Variants in NUP58 observed in about 807,000 individuals in gnomAD.
The protein encoded by NUP58 is nucleoporin 58, also known as nucleoporin p58/p45.
NUP58 carries 17 observed loss-of-function variants against 70.1 expected under a neutral mutation model. The ratio of observed to expected loss-of-function variants is 0.24; its 90% CI spans 0.17 to 0.36. NUP58 has a LOEUF of 0.36. Among genes scored for constraint, NUP58 ranks in the 10% least tolerant of loss-of-function variants. NUP58 has a pLI of 1.00. For synonymous variants in NUP58, 275 were observed against 257.6 expected, an observed-to-expected ratio of 1.07 and a Z score of -0.65; for missense variants, 644 against 701.5, an observed-to-expected ratio of 0.92 and a Z score of 0.93.
intron 1 of NUP58, among the ~76,000 whole-genome samples, chr13:25,305,024 C>G (rs557022329): frequency 6.6e-6 from 1 of 151,920 alleles, no homozygotes; most frequent in Admixed American, 6.5e-5. Flanking sequence ...TTGCTTGTAG[C>G]GCTCACTTAG....
intron 10 of NUP58, among the ~76,000 whole-genome samples, chr13:25,325,297 C>G (rs369002232): frequency 6.6e-6 from 1 of 152,216 alleles, no homozygotes; most frequent in South Asian, 2.1e-4. Flanking sequence ...ACCACTATTA[C>G]GCATTTATAC....
chr13:25,329,335 C>T (rs988126280), intron 12 of NUP58, among the ~76,000 whole-genome samples: 2 of 152,032 alleles, frequency 1.3e-5, no homozygotes, highest in Non-Finnish European at 2.9e-5. Flanking sequence ...TTTCCCCCCA[C>T]GAAGTATTTC....
downstream of NUP58, among the ~76,000 whole-genome samples, chr13:25,343,414 A>G (rs1449865398): frequency 1.3e-5 from 2 of 151,550 alleles, no homozygotes; most frequent in Non-Finnish European, 2.9e-5. Flanking sequence ...GTTTCTTCTC[A>G]GAGTAATAGT....
chr13:25,317,556 A>G (rs999520492), intron 6 of NUP58: 2 of 152,070 alleles, frequency 1.3e-5, no homozygotes, highest in Non-Finnish European at 1.5e-5. Flanking sequence ...GTTTGTGTGT[A>G]TGTAAGTATT....
intron 5 of NUP58, among the ~76,000 whole-genome samples, chr13:25,315,131 T>C (rs1407637648): frequency 6.6e-6 from 1 of 152,108 alleles, no homozygotes; most frequent in East Asian, 1.9e-4. Context: ...GTTCTGGCCC[T>C]CGTAATAATG....
At chr13:25,305,748 TGAA>T (rs1208974066) in intron 1 of NUP58, among the ~76,000 whole-genome samples, 2 of 152,190 alleles carry the variant, frequency 1.3e-5, no homozygotes, top group African/African-American at 4.8e-5. Flanking sequence ...CTAAACTTAC[TGAA>T]GGTGTGTACA....
downstream of NUP58, among the ~76,000 whole-genome samples, chr13:25,345,487 G>T (rs1237150647): frequency 5.0e-5 from 7 of 140,966 alleles, no homozygotes; most frequent in East Asian, 1.5e-3. Context: ...AGCAAGAGCC[G>T]GACTTGTGCA....
intron 15 of NUP58, among the ~76,000 whole-genome samples, chr13:25,339,661 C>T (rs928826073): frequency 1.3e-5 from 2 of 152,124 alleles, no homozygotes; most frequent in African/African-American, 4.8e-5. Flanking sequence ...AGGAGGAAGG[C>T]ACCTTGACAT....
chr13:25,329,368 G>A (rs2031522125), intron 12 of NUP58, among the ~76,000 whole-genome samples: 1 of 151,900 alleles, frequency 6.6e-6, no homozygotes, highest in Non-Finnish European at 1.5e-5. Context: ...AGGTGTAAAC[G>A]TACATTTTTT....
chr13:25,336,899 T>C, intron 13 of NUP58, 37 bp from the exon 14 acceptor site: 2 of 1,425,044 alleles, frequency 1.4e-6, no homozygotes, highest in Non-Finnish European at 9.6e-7. Flanking sequence ...CAAATTTGTT[T>C]TTTTTCCCCC....
chr13:25,304,445 T>C (rs960374081), intron 1 of NUP58, among the ~76,000 whole-genome samples: 19 of 144,692 alleles, frequency 1.3e-4, no homozygotes, highest in South Asian at 1.1e-3. Context: ...CATTATGTAA[T>C]ACTTCATAAT....
intron 1 of NUP58, 31 bp downstream of exon 1, chr13:25,301,911 G>A: frequency 1.4e-6 from 2 of 1,445,878 alleles, no homozygotes; most frequent in East Asian, 2.3e-5. Flanking sequence ...TCCTGGGCCG[G>A]ATTCACCCCC....
chr13:25,322,623 A>G (rs2031234007), intron 9 of NUP58, among the ~76,000 whole-genome samples: 1 of 152,346 alleles, frequency 6.6e-6, no homozygotes, highest in Non-Finnish European at 1.5e-5. Context: ...TATGTGTATA[A>G]GAAACACAAA....
At chr13:25,307,973 CAG>C (rs754980661) in intron 2 of NUP58, 25 bp downstream of exon 2, 220 of 1,611,388 alleles carry the variant, frequency 1.4e-4, no homozygotes, top group Non-Finnish European at 1.8e-4. Context: ...ATCACATTGT[CAG>C]AGAGTAGGCT....
At position 25,313,667 on chromosome 13, in the gene NUP58, A is replaced by G. The variant is rs138242135; in HGVS notation, c.490A>G (p.Thr164Ala). 6 of 1,530,022 alleles carry G rather than the reference A, an allele frequency of 3.9e-6. No homozygotes were observed. The highest frequency in any genetic ancestry group is 1.3e-5 in the South Asian group (1 of 76,058). 94.8% of individuals were successfully genotyped at this position (1,530,022 alleles called of 1,614,324 possible). ...NLGGTTATTT[T>A]ASTGLSLGGA... ...GGGTGGGACAACAGCCACAACTACA[A>G]CTGCATCAACAGGCCTCTCTTTAGG... The change falls in exon 5 of 16, where the codon ACT (threonine) becomes GCT (alanine). Residue 164 changes from threonine (T) to alanine (A), a missense_variant. Thr to Ala is a moderately conservative substitution (Grantham distance 58, BLOSUM62 0). This residue lies in a region of NUP58 where 430 missense variants were observed against 409.2 expected (regional missense o/e 1.05). Coordinates refer to ENST00000381736, the MANE Select transcript of NUP58 (RefSeq NM_014089.4).
rs2031947357 is a variant in NUP58, at chr13:25,341,270, T to A, written c.*1136T>A. 1 of 152,640 alleles carries A rather than the reference T, an allele frequency of 6.6e-6. No homozygotes were observed. The highest frequency in any genetic ancestry group is 1.5e-5 in the Non-Finnish European group (1 of 68,032). 9.5% of individuals were successfully genotyped at this position (152,640 alleles called of 1,614,324 possible). On this transcript the variant is annotated 3_prime_UTR_variant, in exon 16 of 16. Transcript: ENST00000381736. ...ATCCTGTGTGTCCTTACATTGCTTC[T>A]GTGAGATGTTTTTTTCTTATCTGAG...
At position 25,301,692 on chromosome 13, in the gene NUP58, GC is replaced by G; in HGVS notation, c.-79del. ...GTCCGTGCCGGGCGAGAGAGATGCT[GC>G]CCGGCCCGCCTCGGCTTTGAGGCGA... is the stretch of plus-strand genomic sequence containing the variant. On this transcript the variant is annotated 5_prime_UTR_variant, in exon 1 of 16. It removes the in-frame stop codon of an upstream open reading frame in the 5' UTR. Transcript: ENST00000381736. 1 of 716,940 alleles carries G rather than the reference GC, an allele frequency of 1.4e-6. No individual in the cohort carries two copies. The highest frequency in any genetic ancestry group is 2.1e-6 in the Non-Finnish European group (1 of 473,428). 44.4% of individuals were successfully genotyped at this position (716,940 alleles called of 1,614,324 possible). A position where few individuals can be genotyped will look rare whatever the true frequency, so the allele number is the denominator to read the frequency against.
chr13:25,331,689 T>C (rs2031611919), intron 13 of NUP58, 131 bp downstream of exon 13: 4 of 1,465,276 alleles, frequency 2.7e-6, no homozygotes, highest in Non-Finnish European at 3.6e-6. Context: ...CAATCTAAAA[T>C]TGTGATGGAC....
At chr13:25,313,482 T>C (rs772163115) in intron 4 of NUP58, 132 bp from the exon 5 acceptor site, 3 of 793,892 alleles carry the variant, frequency 3.8e-6, no homozygotes, top group Non-Finnish European at 5.7e-6. Flanking sequence ...AGTATGTAAT[T>C]TTTAGCAAGT....
Sources: allele counts gnomAD v4.1 joint callset (sites outside exome capture counted in the v4.1 genomes callset), GRCh38; gene constraint gnomAD v4.1.1; regional missense constraint gnomAD v4.1.1; transcripts MANE v1.5; gene names NCBI Gene and HGNC (gene_info 2026-07-23, HGNC 2026-07-21).